The following CDH7 variants were observed in gnomAD, a reference collection of about 807,000 sequenced individuals.
CDH7 encodes cadherin 7.
Under a neutral mutation model 71.8 loss-of-function variants are expected in CDH7, and 25 were observed. The observed-to-expected ratio is 0.35, with a 90% CI of 0.25 to 0.49. The LOEUF (loss-of-function observed/expected upper bound fraction) is 0.49, where lower values mean the gene tolerates loss of function less well. CDH7 is among the 20% of genes least tolerant of loss of function. The probability of loss-of-function intolerance (pLI) is 0.99; values close to 1 mark genes in which losing one functional copy is unlikely to be tolerated. For missense variants in CDH7, 862 were observed against 974.6 expected (o/e 0.88, Z 1.54); for synonymous variants, 381 against 363.8 (o/e 1.05, Z -0.54).
intron 4 of CDH7, among the ~76,000 whole-genome samples, chr18:65,816,962 CT>C (rs1272262438): frequency 1.3e-5 from 2 of 151,984 alleles, no homozygotes; most frequent in Admixed American, 6.6e-5. Flanking sequence ...AAACAGATAC[CT>C]TTTTTGGATC....
chr18:65,870,068 G>A (rs1913884243), intron 11 of CDH7, among the ~76,000 whole-genome samples: 1 of 152,044 alleles, frequency 6.6e-6, no homozygotes, highest in Non-Finnish European at 1.5e-5. Context: ...AACTATATAA[G>A]GGCTTAAGAA....
At chr18:65,818,193 C>A (rs961951353) in intron 4 of CDH7, among the ~76,000 whole-genome samples, 1 of 152,168 alleles carries the variant, frequency 6.6e-6, no homozygotes. Flanking sequence ...AATGTCTATA[C>A]ATCCCATTCT....
chr18:65,770,052 G>C (rs1052794515), intron 2 of CDH7, among the ~76,000 whole-genome samples: 2 of 152,110 alleles, frequency 1.3e-5, no homozygotes, highest in African/African-American at 4.8e-5. Flanking sequence ...GAGGTGCAAG[G>C]GTTGATTCAG....
intron 11 of CDH7, chr18:65,864,122 T>C (rs1913676921): frequency 5.3e-5 from 8 of 152,204 alleles, no homozygotes; most frequent in Admixed American, 5.2e-4. Flanking sequence ...TGCATAGAAC[T>C]TTACACAGAT....
chr18:65,849,520 C>A (rs1599049360), intron 7 of CDH7, among the ~76,000 whole-genome samples: 1 of 151,394 alleles, frequency 6.6e-6, no homozygotes, highest in Admixed American at 6.6e-5. Flanking sequence ...TCAAGCAATT[C>A]TTCTGCCCCT....
intron 11 of CDH7, among the ~76,000 whole-genome samples, chr18:65,877,169 A>C (rs1470979432): frequency 6.6e-6 from 1 of 152,126 alleles, no homozygotes; most frequent in Non-Finnish European, 1.5e-5. Context: ...CAAATGTTAA[A>C]ATTATCTAAC....
intron 7 of CDH7, among the ~76,000 whole-genome samples, chr18:65,847,148 T>C (rs1291982849): frequency 6.6e-6 from 1 of 152,168 alleles, no homozygotes; most frequent in African/African-American, 2.4e-5. Flanking sequence ...ATGTTTAACA[T>C]AATAAAACAT....
At chr18:65,799,973 C>T (rs949473607) in intron 2 of CDH7, among the ~76,000 whole-genome samples, 11 of 152,186 alleles carry the variant, frequency 7.2e-5, no homozygotes, top group African/African-American at 2.7e-4. Context: ...ACTTCTTCTT[C>T]TGTACTATTT....
intron 2 of CDH7, among the ~76,000 whole-genome samples, chr18:65,769,301 A>T (rs1466776171): frequency 6.6e-6 from 1 of 152,206 alleles, no homozygotes; most frequent in African/African-American, 2.4e-5. Context: ...TAGTAGAAAG[A>T]TCAGTAAGCA....
intron 3 of CDH7, among the ~76,000 whole-genome samples, chr18:65,812,216 C>T (rs900871195): frequency 8.5e-5 from 13 of 152,150 alleles, no homozygotes; most frequent in African/African-American, 2.9e-4. Flanking sequence ...ATCTGCCCGA[C>T]TCAGCCTCCC....
intron 10 of CDH7, among the ~76,000 whole-genome samples, chr18:65,862,328 A>G (rs1425582282): frequency 6.6e-6 from 1 of 152,178 alleles, no homozygotes; most frequent in African/African-American, 2.4e-5. Flanking sequence ...CATCCTTTCT[A>G]TAAGTTTATG....
rs187082565 is a variant in CDH7, at chr18:65,812,697, G to A, written c.506-1788G>A. Among the ~76,000 whole-genome samples the A allele has an allele frequency of 2.6e-5, 4 of 152,252 alleles. No homozygotes were observed. In the South Asian group the frequency reaches 6.2e-4, roughly 24 times the overall value. ...TAAATTTATTTGTGAATATGTGTGTGTATCTGGTGTGTGTGTCTATATGTG... is the reference window on the plus strand; with the variant it reads ...TAAATTTATTTGTGAATATGTGTGTATATCTGGTGTGTGTGTCTATATGTG... On this transcript the variant is annotated intron_variant, in intron 3 of 11. Coordinates refer to ENST00000397968, the MANE Select transcript of CDH7 (RefSeq NM_004361.5).
intron 2 of CDH7, among the ~76,000 whole-genome samples, chr18:65,787,161 T>TA (rs1312132505): frequency 6.6e-6 from 1 of 152,186 alleles, no homozygotes; most frequent in Non-Finnish European, 1.5e-5. Flanking sequence ...TATGGAAAAT[T>TA]ATTTATTTTA....
intron 2 of CDH7, among the ~76,000 whole-genome samples, chr18:65,795,978 C>T (rs535197693): frequency 2.6e-5 from 4 of 152,158 alleles, no homozygotes; most frequent in East Asian, 1.9e-4. Context: ...CCACCATGAT[C>T]GTAAGTTCCC....
At chr18:65,800,793 T>C (rs1462511596) in intron 2 of CDH7, among the ~76,000 whole-genome samples, 2 of 152,178 alleles carry the variant, frequency 1.3e-5, no homozygotes, top group East Asian at 3.8e-4. Context: ...AATTATTCTG[T>C]ATTATACCTT....
chr18:65,806,156 T>C (rs1246073740), intron 2 of CDH7, among the ~76,000 whole-genome samples: 2 of 151,970 alleles, frequency 1.3e-5, no homozygotes, highest in African/African-American at 4.8e-5. Flanking sequence ...TGATATTTCT[T>C]ACATATTAAT....
chr18:65,834,056 G>A lies in CDH7; in HGVS notation c.981+9225G>A, dbSNP rs560673195. On this transcript the variant is annotated intron_variant, in intron 6 of 11. Transcript: ENST00000397968. ...TTCCTTTCCCCCCTGCCCTCCCACG[G>A]CGTGTTGATTCCTAGGTCAATTTCG... 2.6e-5 allele frequency among the ~76,000 whole-genome samples: 4 copies of A among 152,156 alleles called. No homozygotes were observed. The South Asian group carries it at 6.2e-4, about 24-fold the overall frequency.
chr18:65,845,305 A>C (rs1320768449), intron 7 of CDH7, among the ~76,000 whole-genome samples: 1 of 152,076 alleles, frequency 6.6e-6, no homozygotes, highest in African/African-American at 2.4e-5. Flanking sequence ...TTATGTGCTT[A>C]TCTAGGCAGC....
At chr18:65,789,475 G>GTTT (rs35493014) in intron 2 of CDH7, among the ~76,000 whole-genome samples, 120 of 146,980 alleles carry the variant, frequency 8.2e-4, no homozygotes, top group Middle Eastern at 3.4e-3. Context: ...TTTTTTGTTT[G>GTTT]TTTTTTTTTG....
Sources: gnomAD v4.1 joint callset for allele counts (sites outside exome capture counted in the v4.1 genomes callset) on GRCh38, gnomAD v4.1.1 for gene constraint, MANE v1.5 for transcripts, NCBI Gene and HGNC (gene_info 2026-07-23, HGNC 2026-07-21) for gene names.